The following DGKI variants were observed in gnomAD, a reference collection of about 807,000 sequenced individuals.
DGKI encodes diacylglycerol kinase iota.
Under a neutral mutation model 147.5 loss-of-function variants are expected in DGKI, and 55 were observed. The observed-to-expected ratio is 0.37, with a 90% CI of 0.30 to 0.47. The LOEUF is 0.47. Among genes scored for constraint, DGKI ranks in the 20% least tolerant of loss-of-function variants. The pLI is 1.00. For missense variants in DGKI, 1,007 were observed against 1,323.8 expected (o/e 0.76, Z 3.71); for synonymous variants, 469 against 477.1 (o/e 0.98, Z 0.22).
chr7:137,796,309 T>A (rs887407878), intron 1 of DGKI, among the ~76,000 whole-genome samples: 2 of 152,048 alleles, frequency 1.3e-5, no homozygotes, highest in Non-Finnish European at 2.9e-5. Flanking sequence ...ACCAGCCTGA[T>A]CAACATGGCA....
At chr7:137,735,994 G>A (rs1795010299) in intron 1 of DGKI, among the ~76,000 whole-genome samples, 1 of 152,066 alleles carries the variant, frequency 6.6e-6, no homozygotes, top group Non-Finnish European at 1.5e-5. Flanking sequence ...GAAAATGACA[G>A]TAGGACCATA....
chr7:137,521,477 C>T (rs374151413), intron 21 of DGKI, among the ~76,000 whole-genome samples: 11 of 152,104 alleles, frequency 7.2e-5, no homozygotes, highest in South Asian at 4.2e-4. Context: ...ATCTCTGTGA[C>T]GAATGAGGGC....
At chr7:137,552,277 C>T in intron 20 of DGKI, 92 bp downstream of exon 20, 1 of 1,414,878 alleles carries the variant, frequency 7.1e-7, no homozygotes, top group Non-Finnish European at 9.8e-7. Flanking sequence ...TTCCTCTTCC[C>T]AACACAGTGA....
intron 3 of DGKI, among the ~76,000 whole-genome samples, chr7:137,661,157 C>T (rs1468059675): frequency 6.6e-6 from 1 of 152,128 alleles, no homozygotes; most frequent in Non-Finnish European, 1.5e-5. Flanking sequence ...GTCCTAAGAG[C>T]TCCCACTGAG....
chr7:137,515,540 T>C (rs1178066532), intron 21 of DGKI, among the ~76,000 whole-genome samples: 2 of 152,138 alleles, frequency 1.3e-5, no homozygotes, highest in Non-Finnish European at 2.9e-5. Flanking sequence ...ACATTTGAAA[T>C]GGAATTGTGA....
At chr7:137,421,389 T>A (rs894969242) in intron 28 of DGKI, among the ~76,000 whole-genome samples, 1 of 152,266 alleles carries the variant, frequency 6.6e-6, no homozygotes, top group African/African-American at 2.4e-5. Context: ...TAATTCCTGC[T>A]AATTAAATGC....
At chr7:137,819,436 G>A (rs1797831944) in intron 1 of DGKI, among the ~76,000 whole-genome samples, 1 of 151,470 alleles carries the variant, frequency 6.6e-6, no homozygotes, top group Non-Finnish European at 1.5e-5. Context: ...TCATCCTCCT[G>A]AGTAGCTGGG....
intron 10 of DGKI, among the ~76,000 whole-genome samples, chr7:137,600,824 C>T (rs1819962672): frequency 6.6e-6 from 1 of 152,162 alleles, no homozygotes; most frequent in Non-Finnish European, 1.5e-5. Flanking sequence ...TTTCAATCTC[C>T]ATGCCTATAC....
At chr7:137,755,807 A>G (rs1484471660) in intron 1 of DGKI, among the ~76,000 whole-genome samples, 3 of 152,132 alleles carry the variant, frequency 2.0e-5, no homozygotes, top group Admixed American at 6.5e-5. Context: ...AAAAAAAAAT[A>G]CATCTCAGGA....
In DGKI at chr7:137,706,504, T is replaced by C. The variant is rs1328326022; in HGVS notation, c.402-16502A>G. Among the ~76,000 whole-genome samples, 3 of 149,584 alleles carry C rather than the reference T, an allele frequency of 2.0e-5. No individual in the cohort carries two copies. The East Asian group carries it at 6.0e-4, about 30-fold the overall frequency. ...TATTTTATTTTATTTTATTTTATTTTATTTTATTTCATTTTATTTTATTTC... is the reference window on the plus strand; with the variant it reads ...TATTTTATTTTATTTTATTTTATTTCATTTTATTTCATTTTATTTTATTTC... On this transcript the variant is annotated intron_variant, in intron 1 of 32. Coordinates refer to ENST00000614521, the MANE Select transcript of DGKI (RefSeq NM_001321708.2).
At chr7:137,445,481 G>C (rs1272294983) in intron 27 of DGKI, among the ~76,000 whole-genome samples, 1 of 151,990 alleles carries the variant, frequency 6.6e-6, no homozygotes, top group Non-Finnish European at 1.5e-5. Context: ...GGCCTCCCTG[G>C]GTAGGGTTGA....
chr7:137,763,010 A>G (rs1283536248), intron 1 of DGKI, among the ~76,000 whole-genome samples: 1 of 152,202 alleles, frequency 6.6e-6, no homozygotes, highest in Non-Finnish European at 1.5e-5. Context: ...CATATCACTT[A>G]GCATTTTGAT....
intron 8 of DGKI, among the ~76,000 whole-genome samples, chr7:137,618,151 A>ATATATATATATATTTTTT: frequency 4.8e-4 from 5 of 10,462 alleles, no homozygotes; most frequent in South Asian, 0.022. Flanking sequence ...ATATATATAT[A>ATATATATATATATTTTTT]TTTTTTTTTT....
intron 21 of DGKI, among the ~76,000 whole-genome samples, chr7:137,506,109 T>G (rs1816359691): frequency 6.6e-6 from 1 of 152,192 alleles, no homozygotes; most frequent in African/African-American, 2.4e-5. Context: ...TCCTTGGTAT[T>G]TACCCAATGG....
At chr7:137,618,149 A>ATTTT (rs1202086534) in intron 8 of DGKI, among the ~76,000 whole-genome samples, 8 of 6,842 alleles carry the variant, frequency 1.2e-3, no homozygotes, top group South Asian at 8.8e-3. Flanking sequence ...ATATATATAT[A>ATTTT]TATTTTTTTT....
intron 1 of DGKI, among the ~76,000 whole-genome samples, chr7:137,739,590 C>T (rs3800648): frequency 0.023 from 3,538 of 152,192 alleles, 132 homozygotes; most frequent in Admixed American, 0.1. Context: ...CATGGGTCTT[C>T]CTTAGATAGC....
chr7:137,521,446 C>T (rs549790706), intron 21 of DGKI, among the ~76,000 whole-genome samples: 14 of 152,136 alleles, frequency 9.2e-5, no homozygotes, highest in African/African-American at 3.1e-4. Context: ...TCTAGAAGTG[C>T]TGAATGTGCC....
intron 19 of DGKI, among the ~76,000 whole-genome samples, chr7:137,557,717 C>A (rs987161361): frequency 6.6e-6 from 1 of 152,148 alleles, no homozygotes; most frequent in African/African-American, 2.4e-5. Flanking sequence ...TCCAGGCGAA[C>A]CTGTCCCTGT....
intron 1 of DGKI, among the ~76,000 whole-genome samples, chr7:137,739,296 T>C (rs1229046713): frequency 1.3e-5 from 2 of 152,180 alleles, no homozygotes; most frequent in Non-Finnish European, 2.9e-5. Context: ...TCCTATTGTC[T>C]ACCCAGTGTC....
Sources: allele counts gnomAD v4.1 joint callset (sites outside exome capture counted in the v4.1 genomes callset), GRCh38; gene constraint gnomAD v4.1.1; transcripts MANE v1.5; gene names NCBI Gene and HGNC (gene_info 2026-07-23, HGNC 2026-07-21).